The following APBB2 variants were observed in gnomAD, a reference collection of about 807,000 sequenced individuals.
APBB2 encodes Fe65-like 1.
A neutral mutation model predicts 82.5 loss-of-function variants in APBB2; 38 were observed. The ratio of observed to expected loss-of-function variants is 0.46; its 90% CI spans 0.36 to 0.60. APBB2 has a LOEUF of 0.60. Among genes scored for constraint, APBB2 ranks in the 20% least tolerant of loss-of-function variants. APBB2 has a pLI of 0.00. For missense variants in APBB2, 772 were observed against 972.3 expected (o/e 0.79, Z 2.74); for synonymous variants, 341 against 368.2 (o/e 0.93, Z 0.85).
At chr4:40,944,206 C>T (rs908132227) in intron 7 of APBB2, among the ~76,000 whole-genome samples, 3 of 152,168 alleles carry the variant, frequency 2.0e-5, no homozygotes, top group African/African-American at 7.2e-5. Flanking sequence ...AGTTTGCTTT[C>T]GGGATTCACA....
intron 5 of APBB2, among the ~76,000 whole-genome samples, chr4:41,017,645 A>AT (rs993530046): frequency 1.3e-5 from 2 of 152,134 alleles, no homozygotes; most frequent in Non-Finnish European, 2.9e-5. Context: ...GTACGAGTTT[A>AT]TAACAATAAA....
In APBB2 at chr4:40,827,198, C is replaced by G. The variant is rs1441236164; in HGVS notation, c.1666G>C (p.Ala556Pro). 4 of 1,614,168 alleles carry G rather than the reference C, an allele frequency of 2.5e-6. No individual in the cohort carries two copies. The highest frequency in any genetic ancestry group is 2.7e-5 in the African/African-American group (2 of 75,050). ...AAGGAGCTGCAGGCCAGCGCTTTGG[C>G]ATTCTTCCGTTCAGCCATAATCTAA... is the stretch of plus-strand genomic sequence containing the variant. ...CSKIMAERKN[A>P]KALACSSLQE... Residue 556 changes from alanine to proline, a missense_variant, in exon 14 of 18, where the codon GCC becomes CCC. Coordinates refer to ENST00000508593, the MANE Select transcript of APBB2 (RefSeq NM_004307.2).
At chr4:40,854,761 C>T (rs1760578316) in intron 12 of APBB2, among the ~76,000 whole-genome samples, 2 of 144,730 alleles carry the variant, frequency 1.4e-5, no homozygotes, top group Admixed American at 1.4e-4. Flanking sequence ...TGCACTCCAG[C>T]CTGGGCGATA....
intron 10 of APBB2, among the ~76,000 whole-genome samples, chr4:40,912,335 T>C (rs1275700186): frequency 6.6e-6 from 1 of 152,122 alleles, no homozygotes; most frequent in African/African-American, 2.4e-5. Context: ...TCCCAGCACT[T>C]TGGGAGGCCA....
intron 12 of APBB2, among the ~76,000 whole-genome samples, chr4:40,887,806 G>T (rs544456776): frequency 6.6e-6 from 1 of 152,158 alleles, no homozygotes; most frequent in African/African-American, 2.4e-5. Flanking sequence ...AACCCTGAGC[G>T]TATTTCGAAA....
At chr4:41,204,018 G>C (rs574176055) in intron 1 of APBB2, among the ~76,000 whole-genome samples, 50 of 151,736 alleles carry the variant, frequency 3.3e-4, no homozygotes, top group Admixed American at 1.2e-3. Flanking sequence ...TTTCCCACTT[G>C]CTGTGCCAAG....
In APBB2 at chr4:40,934,488, A is replaced by AATC; in HGVS notation, c.1219_1221dup (p.Asp407dup). ...TCTGGGTCACTGTTGATACTACAAG[A>AATC]ATCATCATCATCAGGGTGTGGGGCA... On this transcript the variant is annotated inframe_insertion, in exon 10 of 18. Coordinates refer to ENST00000508593, the MANE Select transcript of APBB2 (RefSeq NM_004307.2). 1.2e-6 allele frequency: 2 copies of AATC among 1,614,176 alleles called. No individual in the cohort carries two copies. The highest frequency in any genetic ancestry group is 1.3e-5 in the African/African-American group (1 of 75,066).
intron 1 of APBB2, among the ~76,000 whole-genome samples, chr4:41,168,145 T>C (rs1767187761): frequency 6.7e-6 from 1 of 150,290 alleles, no homozygotes; most frequent in African/African-American, 2.4e-5. Flanking sequence ...GGCAGGTGCC[T>C]GTAGTCCCAG....
chr4:40,979,168 ATGTCTCAAAAAAGC>A (rs958235936), intron 6 of APBB2, among the ~76,000 whole-genome samples: 21 of 152,348 alleles, frequency 1.4e-4, no homozygotes, highest in Admixed American at 3.3e-4. Context: ...GCTTAACAAC[ATGTCTCAAAAAAGC>A]TGTATAATAG....
chr4:40,878,994 T>G (rs1767640991), intron 12 of APBB2, among the ~76,000 whole-genome samples: 1 of 152,120 alleles, frequency 6.6e-6, no homozygotes, highest in African/African-American at 2.4e-5. Context: ...TTGATTTCCT[T>G]TCCTGTCTTC....
Position 41,014,186 on chromosome 4 carries a change from C to T in APBB2, c.232G>A (p.Ala78Thr), listed in dbSNP as rs757851032. 6.2e-6 allele frequency: 10 copies of T among 1,614,180 alleles called. No homozygotes were observed. Among genetic ancestry groups the T allele is most frequent in the Middle Eastern group, 1.6e-4 (1 of 6,062 alleles). ...GCAGCTGGATCCGAGAGGCCCATGG[C>T]CGCCTGGATGTTAGTTAGTGCATAT... ...KKYALTNIQA[A>T]MGLSDPAAQP... is the part of the protein sequence containing the mutation. Residue 78 changes from alanine (A) to threonine (T), a missense_variant, in exon 6 of 18, where the codon GCC (alanine) becomes ACC (threonine). Transcript: ENST00000508593.
chr4:41,008,858 T>C (rs1220858657), intron 6 of APBB2, among the ~76,000 whole-genome samples: 1 of 152,198 alleles, frequency 6.6e-6, no homozygotes, highest in African/African-American at 2.4e-5. Flanking sequence ...AATGATAAGT[T>C]AATGGATCAT....
chr4:40,904,491 G>C (rs1377815018), intron 10 of APBB2, among the ~76,000 whole-genome samples: 1 of 151,650 alleles, frequency 6.6e-6, no homozygotes, highest in African/African-American at 2.4e-5. Flanking sequence ...AGTGAGCAAA[G>C]GGCTATGACC....
At chr4:40,901,785 G>A (rs1043234726) in intron 10 of APBB2, among the ~76,000 whole-genome samples, 1 of 152,146 alleles carries the variant, frequency 6.6e-6, no homozygotes, top group Admixed American at 6.5e-5. Context: ...AAAGTGCTGG[G>A]ATTACAGGCG....
intron 1 of APBB2, among the ~76,000 whole-genome samples, chr4:41,178,748 A>C (rs1770522712): frequency 6.6e-6 from 1 of 152,196 alleles, no homozygotes; most frequent in Non-Finnish European, 1.5e-5. Flanking sequence ...CCAAGGCCCA[A>C]AAGTTCACTG....
chr4:40,975,701 C>T (rs1172445249), intron 6 of APBB2, among the ~76,000 whole-genome samples: 3 of 150,096 alleles, frequency 2.0e-5, no homozygotes, highest in Admixed American at 6.7e-5. Context: ...GCCTTCCCTA[C>T]AGTGCACACA....
chr4:40,902,220 A>AT (rs1775500066), intron 10 of APBB2, among the ~76,000 whole-genome samples: 1 of 141,968 alleles, frequency 7.0e-6, no homozygotes, highest in Admixed American at 7.1e-5. Context: ...TGTACTTTAA[A>AT]AGAGTTCCAA....
At chr4:40,945,165 C>A (rs983193608) in intron 6 of APBB2, 92 bp from the exon 7 acceptor site, 2 of 899,688 alleles carry the variant, frequency 2.2e-6, no homozygotes, top group Non-Finnish European at 3.5e-6. Context: ...CAAAGGCAGA[C>A]GTGTCCATAG....
intron 13 of APBB2, 51 bp downstream of exon 13, chr4:40,830,412 G>T: frequency 1.5e-6 from 2 of 1,302,610 alleles, no homozygotes; most frequent in Non-Finnish European, 2.2e-6. Flanking sequence ...ATCCTTTTAT[G>T]CAGCAAGAAA....
Sources: gnomAD v4.1 joint callset for allele counts (sites outside exome capture counted in the v4.1 genomes callset) on GRCh38, gnomAD v4.1.1 for gene constraint, MANE v1.5 for transcripts, NCBI Gene and HGNC (gene_info 2026-07-23, HGNC 2026-07-21) for gene names.